Variants in MACROD2 observed in about 807,000 individuals in gnomAD.
MACROD2 encodes the protein ADP-ribose glycohydrolase MACROD2.
MACROD2 carries 36 observed loss-of-function variants against 70.4 expected under a neutral mutation model. The observed-to-expected ratio is 0.51, with a 90% CI of 0.39 to 0.68. The LOEUF is 0.68. MACROD2 is among the 30% of genes least tolerant of loss of function. The probability of loss-of-function intolerance (pLI) is 0.00; values close to 1 mark genes in which losing one functional copy is unlikely to be tolerated. For synonymous variants in MACROD2, 172 were observed against 178.8 expected, an observed-to-expected ratio of 0.96 and a Z score of 0.30; for missense variants, 496 against 538.4, an observed-to-expected ratio of 0.92 and a Z score of 0.78.
chr20:15,630,028 T>A (rs1187508426), intron 8 of MACROD2, among the ~76,000 whole-genome samples: 1 of 152,206 alleles, frequency 6.6e-6, no homozygotes, highest in Non-Finnish European at 1.5e-5. Context: ...GTGATAAGGC[T>A]AGATAACATA....
intron 2 of MACROD2, among the ~76,000 whole-genome samples, chr20:14,012,585 C>T (rs1019162805): frequency 3.9e-5 from 6 of 152,080 alleles, no homozygotes; most frequent in African/African-American, 7.2e-5. Context: ...AAATATCAAG[C>T]ACTTCAGCTT....
intron 3 of MACROD2, among the ~76,000 whole-genome samples, chr20:14,388,598 T>C (rs1211834914): frequency 6.6e-6 from 1 of 152,254 alleles, no homozygotes; most frequent in Non-Finnish European, 1.5e-5. Flanking sequence ...TTTACAATGC[T>C]GTACTTTATT....
intron 4 of MACROD2, among the ~76,000 whole-genome samples, chr20:14,625,512 T>G (rs1398219627): frequency 6.6e-6 from 1 of 152,000 alleles, no homozygotes; most frequent in East Asian, 1.9e-4. Flanking sequence ...CCGTAGTCAT[T>G]GGCCACTCCA....
chr20:14,646,417 A>G (rs1485439617), intron 4 of MACROD2, among the ~76,000 whole-genome samples: 1 of 152,112 alleles, frequency 6.6e-6, no homozygotes, highest in Non-Finnish European at 1.5e-5. Flanking sequence ...TTCAAATTTC[A>G]CCAAATCTTT....
At chr20:14,913,371 G>A (rs1219226528) in intron 5 of MACROD2, among the ~76,000 whole-genome samples, 1 of 151,970 alleles carries the variant, frequency 6.6e-6, no homozygotes, top group Admixed American at 6.6e-5. Flanking sequence ...CCTTATTTAT[G>A]TATTATTTTA....
Position 15,411,185 on chromosome 20 carries a change from TGAGA to T in MACROD2, c.541-20211_541-20208del, listed in dbSNP as rs1234168898. Among the ~76,000 whole-genome samples, 506 of 77,508 alleles carry T rather than the reference TGAGA, an allele frequency of 6.5e-3. 1 individual carries two copies. The highest frequency in any genetic ancestry group is 0.028 in the African/African-American group (488 of 17,724). 50.8% of individuals were successfully genotyped at this position (77,508 alleles called of 152,430 possible). ...ACACACACACACACACACACAAAGCTGAGAGAGAGAGAAAGAGATTTTTAAGCTA... is the reference window on the plus strand; with the variant it reads ...ACACACACACACACACACACAAAGCTGAGAGAGAAAGAGATTTTTAAGCTA... On this transcript the variant is annotated intron_variant, in intron 6 of 17. Coordinates refer to ENST00000684519, the MANE Select transcript of MACROD2 (RefSeq NM_001351661.2).
intron 8 of MACROD2, among the ~76,000 whole-genome samples, chr20:15,828,695 T>C (rs1456183546): frequency 6.6e-6 from 1 of 152,202 alleles, no homozygotes; most frequent in Non-Finnish European, 1.5e-5. Context: ...CCATCTAAAA[T>C]GTGTTTTCTG....
intron 5 of MACROD2, among the ~76,000 whole-genome samples, chr20:14,721,460 T>C (rs2071469308): frequency 6.6e-6 from 1 of 152,064 alleles, no homozygotes; most frequent in African/African-American, 2.4e-5. Context: ...TAGACCAATC[T>C]AGATGTGTTT....
chr20:14,489,631 G>A (rs1426310536), intron 3 of MACROD2, among the ~76,000 whole-genome samples: 1 of 152,114 alleles, frequency 6.6e-6, no homozygotes, highest in Non-Finnish European at 1.5e-5. Context: ...AAACTAGGTG[G>A]TCAGGATTCT....
intron 3 of MACROD2, among the ~76,000 whole-genome samples, chr20:14,262,528 G>A (rs1478923781): frequency 6.6e-6 from 1 of 152,166 alleles, no homozygotes; most frequent in African/African-American, 2.4e-5. Flanking sequence ...TTGACCATCC[G>A]ATTACAGCTA....
intron 8 of MACROD2, among the ~76,000 whole-genome samples, chr20:15,749,166 A>G (rs1318304957): frequency 6.6e-6 from 1 of 152,222 alleles, no homozygotes; most frequent in Non-Finnish European, 1.5e-5. Context: ...AGGACAATGG[A>G]ATATCTTAAA....
chr20:14,080,903 G>A (rs1398313235), intron 2 of MACROD2, among the ~76,000 whole-genome samples: 1 of 152,148 alleles, frequency 6.6e-6, no homozygotes, highest in Non-Finnish European at 1.5e-5. Flanking sequence ...CTTGGTATAA[G>A]CTGAAGAAAT....
chr20:15,500,315 A>AAT (rs748674355), intron 8 of MACROD2, among the ~76,000 whole-genome samples: 1 of 152,160 alleles, frequency 6.6e-6, no homozygotes, highest in Non-Finnish European at 1.5e-5. Flanking sequence ...GGGCTTGTAT[A>AAT]ATTGATCACA....
intron 2 of MACROD2, among the ~76,000 whole-genome samples, chr20:14,025,260 C>A (rs1253856118): frequency 6.6e-6 from 1 of 152,038 alleles, no homozygotes; most frequent in Non-Finnish European, 1.5e-5. Context: ...TCTCTCTTTT[C>A]TTCTTTATTT....
intron 3 of MACROD2, among the ~76,000 whole-genome samples, chr20:14,157,942 TA>T (rs1279682987): frequency 6.6e-6 from 1 of 152,200 alleles, no homozygotes; most frequent in African/African-American, 2.4e-5. Context: ...AAATACCCAA[TA>T]GTGGGATTGC....
chr20:15,544,198 A>G (rs1253136938), intron 8 of MACROD2, among the ~76,000 whole-genome samples: 1 of 152,136 alleles, frequency 6.6e-6, no homozygotes, highest in Non-Finnish European at 1.5e-5. Context: ...TTGCCCTAGT[A>G]TTGATTCTTT....
intron 5 of MACROD2, among the ~76,000 whole-genome samples, chr20:14,754,872 G>A (rs574006800): frequency 5.8e-4 from 87 of 149,718 alleles, no homozygotes; most frequent in African/African-American, 2.0e-3. Flanking sequence ...TTGTTAAGCC[G>A]AATACCCAAC....
At chr20:14,187,940 A>G (rs1439445140) in intron 3 of MACROD2, among the ~76,000 whole-genome samples, 1 of 152,146 alleles carries the variant, frequency 6.6e-6, no homozygotes, top group Non-Finnish European at 1.5e-5. Context: ...TATTAATACA[A>G]AGGATTGAGG....
chr20:15,815,384 CAGAGT>C (rs2063862346), intron 8 of MACROD2, among the ~76,000 whole-genome samples: 1 of 151,270 alleles, frequency 6.6e-6, no homozygotes, highest in Admixed American at 6.6e-5. Flanking sequence ...CATATTTTAA[CAGAGT>C]TTTTAAATGG....
Sources: gnomAD v4.1 joint callset for allele counts (sites outside exome capture counted in the v4.1 genomes callset) on GRCh38, gnomAD v4.1.1 for gene constraint, MANE v1.5 for transcripts, NCBI Gene and HGNC (gene_info 2026-07-23, HGNC 2026-07-21) for gene names.